TMEM132C: variants seen among roughly 807,000 people sequenced by gnomAD.
TMEM132C encodes the protein protein phosphatase 1, regulatory subunit 152.
A neutral mutation model predicts 61.4 loss-of-function variants in TMEM132C; 29 were observed. That is an observed-to-expected ratio of 0.47 (90% CI 0.35 to 0.64). The LOEUF (loss-of-function observed/expected upper bound fraction) is 0.64, where lower values mean the gene tolerates loss of function less well. TMEM132C is among the 30% of genes least tolerant of loss of function. The pLI is 0.00. For synonymous variants in TMEM132C, 656 were observed against 633.1 expected (o/e 1.04, Z -0.54); for missense variants, 1,408 against 1,476.9 (o/e 0.95, Z 0.76).
At chr12:128,519,589 G>A (rs1449537845) in intron 2 of TMEM132C, among the ~76,000 whole-genome samples, 1 of 152,162 alleles carries the variant, frequency 6.6e-6, no homozygotes, top group Non-Finnish European at 1.5e-5. Context: ...ACAGCCCCAC[G>A]GACTAAGCCT....
intron 4 of TMEM132C, among the ~76,000 whole-genome samples, chr12:128,629,609 G>T (rs1329817700): frequency 6.6e-6 from 1 of 152,174 alleles, no homozygotes; most frequent in Admixed American, 6.5e-5. Context: ...GGGCCATGAA[G>T]TCTCAGCCCT....
chr12:128,651,468 C>T (rs1271677965), intron 4 of TMEM132C, among the ~76,000 whole-genome samples: 1 of 152,188 alleles, frequency 6.6e-6, no homozygotes, highest in Non-Finnish European at 1.5e-5. Context: ...CTTTAAAATG[C>T]TTTTAGAACT....
chr12:128,408,767 G>C (rs1259550953), intron 1 of TMEM132C, among the ~76,000 whole-genome samples: 1 of 152,200 alleles, frequency 6.6e-6, no homozygotes, highest in Non-Finnish European at 1.5e-5. Context: ...CCAGAACAAG[G>C]CCTCTGGGCT....
intron 3 of TMEM132C, among the ~76,000 whole-genome samples, chr12:128,583,794 T>G (rs1443031891): frequency 6.6e-6 from 1 of 152,212 alleles, no homozygotes; most frequent in Non-Finnish European, 1.5e-5. Context: ...CTGAAGAAGC[T>G]GTGCATGAAG....
At chr12:128,365,613 C>T (rs1873841546) in intron 1 of TMEM132C, among the ~76,000 whole-genome samples, 1 of 152,124 alleles carries the variant, frequency 6.6e-6, no homozygotes, top group Admixed American at 6.5e-5. Context: ...CTAAAAATGC[C>T]TCCTCGCCTC....
intron 3 of TMEM132C, among the ~76,000 whole-genome samples, chr12:128,584,036 T>C (rs1875448836): frequency 6.6e-6 from 1 of 152,224 alleles, no homozygotes; most frequent in Admixed American, 6.5e-5. Context: ...ATTTCAGGTA[T>C]TTTGTAGCAG....
intron 3 of TMEM132C, among the ~76,000 whole-genome samples, chr12:128,599,859 C>T (rs1205918085): frequency 2.6e-5 from 4 of 152,160 alleles, no homozygotes; most frequent in Non-Finnish European, 5.9e-5. Flanking sequence ...TCCCATAATA[C>T]CCACGTGTCA....
At position 128,706,356 on chromosome 12, in the gene TMEM132C, G is replaced by A; in HGVS notation, c.*61G>A. 6.9e-7 allele frequency: 1 copy of A among 1,449,024 alleles called. No individual in the cohort carries two copies. 89.8% of individuals were successfully genotyped at this position (1,449,024 alleles called of 1,614,324 possible). On this transcript the variant is annotated 3_prime_UTR_variant, in exon 9 of 9. Coordinates refer to ENST00000435159, the MANE Select transcript of TMEM132C (RefSeq NM_001136103.3). ...CCTTGTACTGGAAACTGGCCCAAGT[G>A]GGGCAGAAGGCGTTGTCAGTGGGGT... is the stretch of plus-strand genomic sequence containing the variant.
intron 5 of TMEM132C, among the ~76,000 whole-genome samples, chr12:128,677,988 A>G (rs1223745416): frequency 6.6e-6 from 1 of 152,224 alleles, no homozygotes; most frequent in African/African-American, 2.4e-5. Context: ...TCCCGTCAGC[A>G]CTAAACTTTC....
chr12:128,405,911 A>C (rs1442213676), intron 1 of TMEM132C, among the ~76,000 whole-genome samples: 1 of 152,216 alleles, frequency 6.6e-6, no homozygotes, highest in Non-Finnish European at 1.5e-5. Flanking sequence ...ATAAATTCTC[A>C]GCAGCCCCCA....
chr12:128,686,134 G>GTA (rs1954674873), intron 5 of TMEM132C, among the ~76,000 whole-genome samples: 4 of 151,940 alleles, frequency 2.6e-5, no homozygotes, highest in Non-Finnish European at 4.4e-5. Context: ...ATGTGTGCAT[G>GTA]TGTGTGCATA....
At chr12:128,311,522 A>C (rs1871963167) in intron 1 of TMEM132C, among the ~76,000 whole-genome samples, 1 of 152,184 alleles carries the variant, frequency 6.6e-6, no homozygotes. Flanking sequence ...TTTAAAGGTA[A>C]AAGTCCGAAA....
intron 4 of TMEM132C, among the ~76,000 whole-genome samples, chr12:128,633,672 A>G (rs1162102740): frequency 6.6e-6 from 1 of 152,254 alleles, no homozygotes; most frequent in Non-Finnish European, 1.5e-5. Context: ...AGAATTAAAT[A>G]GTAGTACCAA....
intron 1 of TMEM132C, among the ~76,000 whole-genome samples, chr12:128,390,269 C>T (rs1021659707): frequency 6.6e-6 from 1 of 152,186 alleles, no homozygotes; most frequent in Non-Finnish European, 1.5e-5. Flanking sequence ...GGCCAGAAGC[C>T]CACCATGGGC....
intron 1 of TMEM132C, among the ~76,000 whole-genome samples, chr12:128,300,001 G>A (rs1044296440): frequency 3.3e-5 from 5 of 152,214 alleles, no homozygotes; most frequent in Admixed American, 6.5e-5. Context: ...CAGTCGGCCA[G>A]TGTTCAATAC....
chr12:128,593,551 G>A (rs956703890), intron 3 of TMEM132C, among the ~76,000 whole-genome samples: 1 of 152,188 alleles, frequency 6.6e-6, no homozygotes, highest in African/African-American at 2.4e-5. Flanking sequence ...ATGGGAATTG[G>A]AGTTGAGTTG....
intron 1 of TMEM132C, among the ~76,000 whole-genome samples, chr12:128,322,473 G>A (rs1872367694): frequency 6.6e-6 from 1 of 152,224 alleles, no homozygotes; most frequent in South Asian, 2.1e-4. Flanking sequence ...ATAAGTTACT[G>A]GACTACCTTC....
chr12:128,482,967 G>T (rs374267876), intron 2 of TMEM132C, among the ~76,000 whole-genome samples: 1 of 151,936 alleles, frequency 6.6e-6, no homozygotes, highest in South Asian at 2.1e-4. Context: ...TGCTTGGCCA[G>T]GCATGGTGAC....
At chr12:128,445,321 A>G (rs933106312) in intron 2 of TMEM132C, among the ~76,000 whole-genome samples, 3 of 152,174 alleles carry the variant, frequency 2.0e-5, no homozygotes, top group Non-Finnish European at 2.9e-5. Context: ...AGAGGGTGCT[A>G]TTTAGAAGAT....
Sources: allele counts gnomAD v4.1 joint callset (sites outside exome capture counted in the v4.1 genomes callset), GRCh38; gene constraint gnomAD v4.1.1; transcripts MANE v1.5; gene names NCBI Gene and HGNC (gene_info 2026-07-23, HGNC 2026-07-21).